Variants in PCDHGA9 observed in about 807,000 individuals in gnomAD.
PCDHGA9 encodes the protein protocadherin gamma-A9.
PCDHGA9 carries 37 observed loss-of-function variants against 62.5 expected under a neutral mutation model. The ratio of observed to expected loss-of-function variants is 0.59; its 90% CI spans 0.46 to 0.78. PCDHGA9 has a LOEUF of 0.78. Among genes scored for constraint, PCDHGA9 ranks in the 30% least tolerant of loss-of-function variants. PCDHGA9 has a pLI of 0.00. For synonymous variants in PCDHGA9, 459 were observed against 484.6 expected (o/e 0.95, Z 0.69); for missense variants, 1,138 against 1,166.2 (o/e 0.98, Z 0.35).
Position 141,510,942 on chromosome 5 carries a change from T to C in PCDHGA9, c.2573-5T>C, listed in dbSNP as rs769766039. On this transcript the variant is annotated splice_region_variant and splice_polypyrimidine_tract_variant and intron_variant, in intron 3 of 3. Transcript: ENST00000573521. ...CTCCCACCTGATCTTCCTCTGTCTCTGCAGAAGCTGCTGATGGGAGCTCCA... is the reference window on the plus strand; with the variant it reads ...CTCCCACCTGATCTTCCTCTGTCTCCGCAGAAGCTGCTGATGGGAGCTCCA... 5 of 1,613,984 alleles carry C rather than the reference T, an allele frequency of 3.1e-6. No homozygotes were observed. The highest frequency in any genetic ancestry group is 4.2e-6 in the Non-Finnish European group (5 of 1,180,014).
intron 1 of PCDHGA9, among the ~76,000 whole-genome samples, chr5:141,438,591 C>CATACAT (rs1228520343): frequency 1.3e-5 from 1 of 75,562 alleles, no homozygotes; most frequent in Non-Finnish European, 2.7e-5. Flanking sequence ...TACATACATA[C>CATACAT]ATATATATAT....
intron 3 of PCDHGA9, among the ~76,000 whole-genome samples, chr5:141,506,138 G>T (rs983643755): frequency 6.6e-6 from 1 of 152,134 alleles, no homozygotes; most frequent in African/African-American, 2.4e-5. Flanking sequence ...AGGAGAAGAA[G>T]AATATCATTT....
intron 1 of PCDHGA9, among the ~76,000 whole-genome samples, chr5:141,445,007 G>A (rs771023003): frequency 1.5e-4 from 23 of 151,994 alleles, no homozygotes; most frequent in Non-Finnish European, 2.4e-4. Flanking sequence ...ATTTAATTAG[G>A]TCTTTAATTT....
chr5:141,484,940 G>C, intron 1 of PCDHGA9: 1 of 541,138 alleles, frequency 1.8e-6, no homozygotes, highest in Non-Finnish European at 3.3e-6. Flanking sequence ...GACGTTCTCT[G>C]CTCAGCCTAT....
rs780788394 is a variant in PCDHGA9 at position 141,491,675 on chromosome 5, C to T, written c.2425-3132C>T. ...GAGCCTGACGCCATCCGGTCCCGCT[C>T]TAATACGCTGCGGGAGCGGAGCCAG... On this transcript the variant is annotated intron_variant, in intron 1 of 3. Transcript: ENST00000573521. The surrounding 1 kb of genome is among the most constrained non-coding windows in gnomAD (Gnocchi z 6.9). 6 of 1,613,450 alleles carry T rather than the reference C, an allele frequency of 3.7e-6. No homozygotes were observed. The African/African-American group carries it at 8.0e-5, about 22-fold the overall frequency.
rs767515334 is a variant in PCDHGA9, at chr5:141,403,753, C to A, written c.801C>A (p.Ser267Arg). ...CCTGGCTGCTTACTGCAACAGCCAG[C>A]GACCTGGATGAGGGAATCAACGGAA... is the stretch of plus-strand genomic sequence containing the variant. ...PGTWLLTATA[S>R]DLDEGINGKV... Residue 267 changes from serine to arginine, a missense_variant, in exon 1 of 4, where the codon AGC (serine) becomes AGA (arginine). Transcript: ENST00000573521. The A allele has an allele frequency of 1.9e-6, 3 of 1,613,502 alleles. No individual in the cohort carries two copies. The Admixed American group carries it at 5.0e-5, about 27-fold the overall frequency.
At chr5:141,483,009 C>G (rs538900128) in intron 1 of PCDHGA9, among the ~76,000 whole-genome samples, 1 of 152,060 alleles carries the variant, frequency 6.6e-6, no homozygotes, top group South Asian at 2.1e-4. Context: ...TGCTTGAACC[C>G]GGGAGGCAGA....
intron 1 of PCDHGA9, among the ~76,000 whole-genome samples, chr5:141,450,666 T>G (rs1434496607): frequency 6.6e-6 from 1 of 151,890 alleles, no homozygotes; most frequent in African/African-American, 2.4e-5. Context: ...TTTGTACTTT[T>G]AGTAGAAACG....
At position 141,432,432 on chromosome 5, in the gene PCDHGA9, A is replaced by G. The variant is rs1431760497; in HGVS notation, c.2424+27056A>G. On this transcript the variant is annotated intron_variant, in intron 1 of 3. Transcript: ENST00000573521. This position sits in a 1 kb window ranked among gnomAD's most constrained non-coding sequence, Gnocchi z 6.0. ...CTGTTCGTGCTGGACCAGAACGACA[A>G]TGCGCCCGAGATCCTGTACCCCGCC... The G allele has an allele frequency of 2.5e-6, 4 of 1,614,156 alleles. No homozygotes were observed. Among genetic ancestry groups the G allele is most frequent in the Non-Finnish European group, 3.4e-6 (4 of 1,180,028 alleles).
intron 1 of PCDHGA9, among the ~76,000 whole-genome samples, chr5:141,450,424 CTTTAA>C (rs2098679800): frequency 1.3e-5 from 2 of 152,146 alleles, no homozygotes; most frequent in East Asian, 3.9e-4. Context: ...TGTATAATGC[CTTTAA>C]TTTATATTTG....
chr5:141,478,839 T>G, intron 1 of PCDHGA9: 6 of 1,423,322 alleles, frequency 4.2e-6, no homozygotes, highest in Non-Finnish European at 5.5e-6. Flanking sequence ...AAGGGATGGT[T>G]AAGCTAAAAC....
intron 1 of PCDHGA9, among the ~76,000 whole-genome samples, chr5:141,472,688 A>G (rs970538300): frequency 2.0e-5 from 3 of 151,384 alleles, no homozygotes; most frequent in African/African-American, 7.3e-5. Context: ...CATTTCCCCT[A>G]GAAATAAGTG....
chr5:141,474,358 C>A (rs189724264), intron 1 of PCDHGA9, among the ~76,000 whole-genome samples: 30 of 152,290 alleles, frequency 2.0e-4, no homozygotes, highest in African/African-American at 6.5e-4. Context: ...AGTCATGTCT[C>A]AGTAGGTCTA....
rs1207371456 is a variant in PCDHGA9 at position 141,487,371 on chromosome 5, G to A, written c.2425-7436G>A. On this transcript the variant is annotated intron_variant, in intron 1 of 3. Transcript: ENST00000573521. The surrounding 1 kb of genome is among the most constrained non-coding windows in gnomAD (Gnocchi z 5.0). ...TGCTTTCCTGCTGGCACCTGTGCCT[G>A]TCTCACCAGATCTCGAAGGAGGGAG... The A allele has an allele frequency of 4.3e-6, 7 of 1,614,076 alleles. No individual in the cohort carries two copies. In the Admixed American group the frequency reaches 5.0e-5, roughly 12 times the overall value.
At position 141,477,160 on chromosome 5, in the gene PCDHGA9, C is replaced by G. The variant is rs768436526; in HGVS notation, c.2425-17647C>G. 2 of 1,614,186 alleles carry G rather than the reference C, an allele frequency of 1.2e-6. No homozygotes were observed. Among genetic ancestry groups the G allele is most frequent in the Admixed American group, 1.7e-5 (1 of 60,020 alleles). On this transcript the variant is annotated intron_variant, in intron 1 of 3. Transcript: ENST00000573521. The surrounding 1 kb of genome is among the most constrained non-coding windows in gnomAD (Gnocchi z 4.9). ...TGGAGGTTGTGGATGTGAATGACAA[C>G]GCCCCGGAGATCACAGTCACCTCCG...
chr5:141,409,178 G>A, intron 1 of PCDHGA9: 1 of 1,613,994 alleles, frequency 6.2e-7, no homozygotes, highest in Non-Finnish European at 8.5e-7. Context: ...GGACGGAGGT[G>A]GTCTCTCTAC....
rs2098995125 is a variant in PCDHGA9 at position 141,460,673 on chromosome 5, A to G, written c.2425-34134A>G. 2.6e-5 allele frequency among the ~76,000 whole-genome samples: 4 copies of G among 152,244 alleles called. No homozygotes were observed. The South Asian group carries it at 8.3e-4, about 32-fold the overall frequency. On this transcript the variant is annotated intron_variant, in intron 1 of 3. Coordinates refer to ENST00000573521, the MANE Select transcript of PCDHGA9 (RefSeq NM_018921.3). ...CATATGTAACTGTAAACACAGTTAT[A>G]TATCTATATATCCACCAACAGTTGA... is the stretch of plus-strand genomic sequence containing the variant.
In PCDHGA9 at chr5:141,487,218, C is replaced by G. The variant is rs2099641338; in HGVS notation, c.2425-7589C>G. The stretch of plus-strand genomic sequence containing the variant: ...CCAGATCTTCGAGAATCTTCAGCTC[C>G]AAGGGAAGGAGAATCTCGTCTAACC... On this transcript the variant is annotated intron_variant, in intron 1 of 3. Transcript: ENST00000573521. The surrounding 1 kb of genome is among the most constrained non-coding windows in gnomAD (Gnocchi z 5.0). 1 of 1,613,820 alleles carries G rather than the reference C, an allele frequency of 6.2e-7. No homozygotes were observed. The highest frequency in any genetic ancestry group is 1.1e-5 in the South Asian group (1 of 91,078).
chr5:141,491,227 C>T lies in PCDHGA9; in HGVS notation c.2425-3580C>T. 6.2e-7 allele frequency: 1 copy of T among 1,614,216 alleles called. No homozygotes were observed. The highest frequency in any genetic ancestry group is 8.5e-7 in the Non-Finnish European group (1 of 1,180,018). On this transcript the variant is annotated intron_variant, in intron 1 of 3. Coordinates refer to ENST00000573521, the MANE Select transcript of PCDHGA9 (RefSeq NM_018921.3). The surrounding 1 kb of genome is among the most constrained non-coding windows in gnomAD (Gnocchi z 6.9). Reference sequence around the variant, plus strand: ...TTCACTCTCCTCCACAGCCACAGTGCTGCTGGTTCTGGAGGATGAGGACCC... The same window carrying T: ...TTCACTCTCCTCCACAGCCACAGTGTTGCTGGTTCTGGAGGATGAGGACCC...
Sources: allele counts gnomAD v4.1 joint callset (sites outside exome capture counted in the v4.1 genomes callset), GRCh38; gene constraint gnomAD v4.1.1; non-coding constraint Gnocchi (gnomAD v3.1); transcripts MANE v1.5; gene names NCBI Gene and HGNC (gene_info 2026-07-23, HGNC 2026-07-21).